Variants in VTA1 observed in about 807,000 individuals in gnomAD.
The protein encoded by VTA1 is vacuolar protein sorting-associated protein VTA1 homolog.
Under a neutral mutation model 36.9 loss-of-function variants are expected in VTA1, and 24 were observed. The ratio of observed to expected loss-of-function variants is 0.65; its 90% confidence interval spans 0.47 to 0.91. The LOEUF is 0.91. Among genes scored for constraint, VTA1 ranks in the 40% least tolerant of loss-of-function variants. The pLI is 0.00. For missense variants in VTA1, 393 were observed against 377.2 expected (o/e 1.04, Z -0.35); for synonymous variants, 142 against 130.2 (o/e 1.09, Z -0.62).
At chr6:142,197,082 A>G (rs1775565917) in intron 5 of VTA1, among the ~76,000 whole-genome samples, 1 of 152,180 alleles carries the variant, frequency 6.6e-6, no homozygotes, top group African/African-American at 2.4e-5. Context: ...TTACCTGGTA[A>G]GATTTCCTCT....
chr6:142,199,987 C>G (rs139330351), intron 6 of VTA1, among the ~76,000 whole-genome samples: 64 of 152,114 alleles, frequency 4.2e-4, no homozygotes, highest in African/African-American at 1.4e-3. Flanking sequence ...GAATACTGTT[C>G]AGATTATACT....
At position 142,180,909 on chromosome 6, in the gene VTA1, A is replaced by C. The variant is rs989163188; in HGVS notation, c.412-8517A>C. Among the ~76,000 whole-genome samples the C allele has an allele frequency of 2.6e-5, 4 of 151,358 alleles. No homozygotes were observed. The South Asian group carries it at 6.3e-4, about 24-fold the overall frequency. On this transcript the variant is annotated intron_variant, in intron 4 of 7. Transcript: ENST00000367630. The stretch of plus-strand genomic sequence containing the variant: ...TTAGATTAGATCTGGGCCTGGGGGG[A>C]AAATAACTACAAAGGACGTGATTGG...
At chr6:142,181,093 AAATATATAT>A (rs1178233345) in intron 4 of VTA1, among the ~76,000 whole-genome samples, 4 of 72,436 alleles carry the variant, frequency 5.5e-5, no homozygotes, top group African/African-American at 2.1e-4. Context: ...AAAAAAAAAA[AAATATATAT>A]ATATATATAT....
rs1297508123 is a variant in VTA1, at chr6:142,203,876, A to G, written c.698-109A>G. ...CAAGTTAGAATCCATTGATGTTTCTAGAAAATAAGCAAAGTAATGAAATTG... is the reference window on the plus strand; with the variant it reads ...CAAGTTAGAATCCATTGATGTTTCTGGAAAATAAGCAAAGTAATGAAATTG... On this transcript the variant is annotated intron_variant, in intron 6 of 7. Coordinates refer to ENST00000367630, the MANE Select transcript of VTA1 (RefSeq NM_016485.5). 3 of 852,400 alleles carry G rather than the reference A, an allele frequency of 3.5e-6. No homozygotes were observed. In the East Asian group the frequency reaches 8.1e-5, roughly 23 times the overall value. The allele number at this position is 852,400 out of a possible 1,614,324, so 52.8% of individuals were successfully genotyped here.
At chr6:142,183,929 T>C (rs1243228046) in intron 4 of VTA1, among the ~76,000 whole-genome samples, 4 of 152,144 alleles carry the variant, frequency 2.6e-5, no homozygotes, top group African/African-American at 9.7e-5. Flanking sequence ...GAAACTCAAA[T>C]TGGTTTAAAC....
At chr6:142,149,218 A>C (rs1198612079) in intron 1 of VTA1, among the ~76,000 whole-genome samples, 1 of 152,218 alleles carries the variant, frequency 6.6e-6, no homozygotes, top group African/African-American at 2.4e-5. Context: ...CAGCCCATGC[A>C]GTCTGGTTTT....
chr6:142,161,584 A>G (rs1369854711), intron 1 of VTA1, among the ~76,000 whole-genome samples: 3 of 152,196 alleles, frequency 2.0e-5, no homozygotes, highest in Non-Finnish European at 4.4e-5. Context: ...CTCATCATCA[A>G]ATAATATTTA....
At chr6:142,218,394 A>G (rs757539363) in intron 7 of VTA1, 104 bp from the exon 8 acceptor site, 33 of 1,192,378 alleles carry the variant, frequency 2.8e-5, no homozygotes, top group Middle Eastern at 2.8e-4. Context: ...CTGTTTTTAC[A>G]TAGCCTTAAA....
chr6:142,152,442 CTG>C (rs1778585554), intron 1 of VTA1, among the ~76,000 whole-genome samples: 1 of 151,870 alleles, frequency 6.6e-6, no homozygotes, highest in African/African-American at 2.4e-5. Context: ...ATGGGAAAAA[CTG>C]GGATTTGGGG....
chr6:142,213,835 A>AT (rs1775952475), intron 7 of VTA1, among the ~76,000 whole-genome samples: 1 of 151,942 alleles, frequency 6.6e-6, no homozygotes, highest in Non-Finnish European at 1.5e-5. Flanking sequence ...TCATGGAACC[A>AT]TTTTTTCCTT....
chr6:142,178,232 C>T (rs1300754387), intron 4 of VTA1, among the ~76,000 whole-genome samples: 5 of 152,020 alleles, frequency 3.3e-5, no homozygotes, highest in South Asian at 4.1e-4. Flanking sequence ...TGAGGGATAG[C>T]TGACTTCTCA....
chr6:142,185,758 G>A (rs1458183274), intron 4 of VTA1, among the ~76,000 whole-genome samples: 2 of 152,188 alleles, frequency 1.3e-5, no homozygotes, highest in African/African-American at 4.8e-5. Context: ...TATCATAAAC[G>A]TAACAGAACT....
chr6:142,189,727 C>T (rs1022555276), intron 5 of VTA1, among the ~76,000 whole-genome samples, 193 bp downstream of exon 5: 1 of 151,080 alleles, frequency 6.6e-6, no homozygotes, highest in Non-Finnish European at 1.5e-5. Context: ...TAATACCTGT[C>T]CATGTCAACA....
At chr6:142,215,292 T>G (rs1407331898) in intron 7 of VTA1, among the ~76,000 whole-genome samples, 2 of 151,894 alleles carry the variant, frequency 1.3e-5, no homozygotes, top group South Asian at 2.1e-4. Flanking sequence ...TACAAAAAAG[T>G]TAGCCAGGCC....
intron 5 of VTA1, 120 bp downstream of exon 5, chr6:142,189,654 A>G: frequency 1.5e-6 from 1 of 682,754 alleles, no homozygotes; most frequent in Middle Eastern, 3.7e-4. Flanking sequence ...GAATCAATGA[A>G]AGTTAAGTAT....
chr6:142,182,217 G>A (rs1380230557), intron 4 of VTA1, among the ~76,000 whole-genome samples: 1 of 152,172 alleles, frequency 6.6e-6, no homozygotes, highest in Non-Finnish European at 1.5e-5. Context: ...CCAGGAAGAG[G>A]CAAGAGAGAG....
intron 7 of VTA1, among the ~76,000 whole-genome samples, chr6:142,209,006 A>G (rs1380646199): frequency 6.6e-6 from 1 of 152,182 alleles, no homozygotes; most frequent in Non-Finnish European, 1.5e-5. Flanking sequence ...ATTTTATAGT[A>G]TAGAGAATAG....
chr6:142,170,209 G>T, intron 3 of VTA1, 137 bp from the exon 4 acceptor site: 1 of 636,802 alleles, frequency 1.6e-6, no homozygotes. Context: ...TTATTTTCTT[G>T]AAATCTAATT....
chr6:142,147,509 G>A (rs903277597), intron 1 of VTA1, 110 bp downstream of exon 1: 2 of 1,163,818 alleles, frequency 1.7e-6, no homozygotes, highest in African/African-American at 3.0e-5. Flanking sequence ...TTAAACCTGA[G>A]CTTTGACCTC....
Sources: gnomAD v4.1 joint callset for allele counts (sites outside exome capture counted in the v4.1 genomes callset) on GRCh38, gnomAD v4.1.1 for gene constraint, MANE v1.5 for transcripts, NCBI Gene and HGNC (gene_info 2026-07-23, HGNC 2026-07-21) for gene names.